CDC23: variants seen among roughly 807,000 people sequenced by gnomAD.
The protein encoded by CDC23 is cell division cycle 23, also known as cell division cycle protein 23 homolog.
CDC23 carries 26 observed loss-of-function variants against 81.7 expected under a neutral mutation model. The ratio of observed to expected loss-of-function variants is 0.32; its 90% CI spans 0.23 to 0.44. CDC23 has a LOEUF of 0.44. CDC23 is among the 20% of genes least tolerant of loss of function. The probability of loss-of-function intolerance (pLI) is 1.00; values close to 1 mark genes in which losing one functional copy is unlikely to be tolerated. For missense variants in CDC23, 519 were observed against 728.0 expected (o/e 0.71, Z 3.30); for synonymous variants, 267 against 270.8 (o/e 0.99, Z 0.14).
At position 138,189,051 on chromosome 5, in the gene CDC23, G is replaced by T; in HGVS notation, c.1721C>A (p.Pro574His). ...TTEVPAPFFL[P>H]ASLSANNTPT... ...GGTATTGTTAGCAGAGAGTGAAGCA[G>T]GTAGGAAAAAGGGAGCAGGCACCTC... Residue 574 changes from proline to histidine, a missense_variant, in exon 16 of 16, where the codon CCT becomes CAT. Around this residue, in one of 4 missense-constraint regions of CDC23, gnomAD observed 38 missense variants for 34.7 expected, o/e 1.10. Coordinates refer to ENST00000394886, the MANE Select transcript of CDC23 (RefSeq NM_004661.4). The T allele has an allele frequency of 6.2e-7, 1 of 1,614,124 alleles. No homozygotes were observed. The highest frequency in any genetic ancestry group is 8.5e-7 in the Non-Finnish European group (1 of 1,180,004).
chr5:138,190,871 C>CAA (rs35904455), intron 13 of CDC23, among the ~76,000 whole-genome samples: 5 of 142,732 alleles, frequency 3.5e-5, no homozygotes, highest in Admixed American at 1.4e-4. Flanking sequence ...CTATAAATTA[C>CAA]AAAAAAAAAA....
chr5:138,191,679 T>C (rs1391558281), intron 12 of CDC23, 144 bp from the exon 13 acceptor site: 1 of 945,176 alleles, frequency 1.1e-6, no homozygotes, highest in Non-Finnish European at 1.7e-6. Context: ...AGGTCTAGGC[T>C]ACACACTGAC....
Position 138,192,197 on chromosome 5 carries a change from A to G in CDC23, c.1286+72T>C, listed in dbSNP as rs1390371597. ...AAACCATCCACTGTGATTTGTCAAT[A>G]GCTATCAAAAGAGGAAAAAAAAGTT... On this transcript the variant is annotated intron_variant, in intron 11 of 15. Coordinates refer to ENST00000394886, the MANE Select transcript of CDC23 (RefSeq NM_004661.4). The G allele has an allele frequency of 1.9e-6, 3 of 1,575,072 alleles. No homozygotes were observed. In the African/African-American group the frequency reaches 4.1e-5, roughly 21 times the overall value.
At chr5:138,196,135 T>C (rs1005761599) in intron 9 of CDC23, among the ~76,000 whole-genome samples, 1 of 151,932 alleles carries the variant, frequency 6.6e-6, no homozygotes, top group Non-Finnish European at 1.5e-5. Context: ...GTAGGTGGGC[T>C]GAATTCAACA....
intron 1 of CDC23, 36 bp downstream of exon 1, chr5:138,213,116 A>C: frequency 1.2e-6 from 2 of 1,614,014 alleles, no homozygotes; most frequent in Non-Finnish European, 1.7e-6. Context: ...AAGGCCAAGG[A>C]TCCAAGCCCC....
intron 3 of CDC23, among the ~76,000 whole-genome samples, chr5:138,205,019 ATCC>A (rs1400928387): frequency 1.3e-5 from 2 of 151,180 alleles, no homozygotes; most frequent in African/African-American, 4.9e-5. Context: ...GGCTCAAGCG[ATCC>A]TCCTATCTCA....
chr5:138,201,072 G>A, intron 6 of CDC23, 35 bp downstream of exon 6: 1 of 1,607,766 alleles, frequency 6.2e-7, no homozygotes, highest in Non-Finnish European at 8.5e-7. Context: ...AAGGCTTGAA[G>A]CAGAGGGTTT....
chr5:138,191,732 G>A lies in CDC23; in HGVS notation c.1362+130C>T, dbSNP rs1382976790. Reference sequence around the variant, plus strand: ...TGGCCCAGCTTTGCTTTCAGACTATGTATCTATAAATATTCAGACTTTCCT... The same window carrying A: ...TGGCCCAGCTTTGCTTTCAGACTATATATCTATAAATATTCAGACTTTCCT... On this transcript the variant is annotated intron_variant, in intron 12 of 15. Coordinates refer to ENST00000394886, the MANE Select transcript of CDC23 (RefSeq NM_004661.4). 12 of 944,744 alleles carry A rather than the reference G, an allele frequency of 1.3e-5. 1 individual carries two copies. Among genetic ancestry groups the A allele is most frequent in the East Asian group, 2.4e-5 (1 of 41,792 alleles). 58.5% of individuals were successfully genotyped at this position (944,744 alleles called of 1,614,324 possible). A position where few individuals can be genotyped will look rare whatever the true frequency, so the allele number is the denominator to read the frequency against.
At chr5:138,200,957 T>A (rs569096354) in intron 6 of CDC23, 150 bp downstream of exon 6, 3 of 741,626 alleles carry the variant, frequency 4.0e-6, no homozygotes, top group Non-Finnish European at 6.6e-6. Context: ...AAACAAAGAC[T>A]TACTTCCAAA....
chr5:138,195,689 TAA>T (rs1491201666), intron 9 of CDC23, among the ~76,000 whole-genome samples: 3 of 113,420 alleles, frequency 2.6e-5, no homozygotes, highest in African/African-American at 7.2e-5. Flanking sequence ...TATATACATA[TAA>T]TATATATGCA....
At chr5:138,199,809 C>CAAT (rs17228449) in intron 6 of CDC23, among the ~76,000 whole-genome samples, 2,452 of 152,224 alleles carry the variant, frequency 0.016, 41 homozygotes, top group African/African-American at 0.046. Flanking sequence ...AACAAACCTT[C>CAAT]AATGAAAGTC....
chr5:138,203,548 G>A (rs902573960), intron 3 of CDC23, among the ~76,000 whole-genome samples: 9 of 152,136 alleles, frequency 5.9e-5, no homozygotes. Context: ...AGATTAAAGA[G>A]ACATGACAAC....
Position 138,201,403 on chromosome 5 carries a change from A to G in CDC23, c.461T>C (p.Leu154Ser), listed in dbSNP as rs1754987928. 6.2e-7 allele frequency: 1 copy of G among 1,613,994 alleles called. No homozygotes were observed. The highest frequency in any genetic ancestry group is 1.3e-5 in the African/African-American group (1 of 74,916). Residue 154 changes from leucine to serine, a missense_variant, in exon 5 of 16, where the codon TTG becomes TCG. Leu to Ser is a moderately radical substitution (Grantham distance 145). Around this residue, in one of 4 missense-constraint regions of CDC23, gnomAD observed 180 missense variants for 239.3 expected, o/e 0.75. Coordinates refer to ENST00000394886, the MANE Select transcript of CDC23 (RefSeq NM_004661.4). ...GTGTTTTTTGCTGAGCTCCACTCTC[A>G]ATTCTCTAAGCGCCTCATTTTTCAC... ...GQVKNEALRELRVELSKKHQA... is the reference protein window; with the variant it reads ...GQVKNEALRESRVELSKKHQA...
At chr5:138,195,700 CATATATACATATAATATATATGT>C (rs1561634080) in intron 9 of CDC23, among the ~76,000 whole-genome samples, 107 of 94,738 alleles carry the variant, frequency 1.1e-3, no homozygotes, top group African/African-American at 4.3e-3. Flanking sequence ...AATATATATG[CATATATACATATAATATATATGT>C]ATATATATAC....
At chr5:138,191,983 T>G (rs751479693) in intron 11 of CDC23, 46 bp from the exon 12 acceptor site, 2 of 1,536,502 alleles carry the variant, frequency 1.3e-6, no homozygotes, top group Admixed American at 1.7e-5. Context: ...TTACAGAAAC[T>G]GAAGTTCTCT....
At chr5:138,212,948 C>A (rs772116278) in intron 2 of CDC23, 43 bp downstream of exon 2, 1 of 1,569,178 alleles carries the variant, frequency 6.4e-7, no homozygotes, top group South Asian at 1.1e-5. Context: ...TTGAGGCACA[C>A]CCCTGGGTTG....
Position 138,192,579 on chromosome 5 carries a change from T to C in CDC23, c.1091A>G (p.Tyr364Cys). The change falls in exon 10 of 16, where the codon TAT (tyrosine) becomes TGT (cysteine). Residue 364 changes from tyrosine to cysteine, a missense_variant. Around this residue, in one of 4 missense-constraint regions of CDC23, gnomAD observed 175 missense variants for 337.8 expected, o/e 0.52. Coordinates refer to ENST00000394886, the MANE Select transcript of CDC23 (RefSeq NM_004661.4). ...TCCCATTAGTGTCCAGGCACCAAGA[T>C]ACCGAGGATTTAATTTCAGGGCTCT... Reference protein sequence around the residue: ...FQRALKLNPRYLGAWTLMGHE... With the variant: ...FQRALKLNPRCLGAWTLMGHE... The C allele has an allele frequency of 6.2e-7, 1 of 1,614,166 alleles. No homozygotes were observed. The highest frequency in any genetic ancestry group is 8.5e-7 in the Non-Finnish European group (1 of 1,180,004).
At position 138,204,629 on chromosome 5, in the gene CDC23, C is replaced by CTTTTTCT. The variant is rs763476260; in HGVS notation, c.372+1917_372+1918insAGAAAAA. Among the ~76,000 whole-genome samples, 484 of 148,432 alleles carry CTTTTTCT rather than the reference C, an allele frequency of 3.3e-3. 11 individuals carry two copies. The highest frequency in any genetic ancestry group is 0.014 in the Middle Eastern group (4 of 288). Reference sequence around the variant, plus strand: ...AGTAAACATTCAGACTCTCTTTTTTCTTTTTTTGGAGACGGAGTCTCACTC... The same window carrying CTTTTTCT: ...AGTAAACATTCAGACTCTCTTTTTTCTTTTTCTTTTTTTTGGAGACGGAGTCTCACTC... On this transcript the variant is annotated intron_variant, in intron 3 of 15. Transcript: ENST00000394886.
chr5:138,206,920 C>T lies in CDC23; in HGVS notation c.235-236G>A, dbSNP rs185212018. ...TTTGAGACAGAGCCTCACTCTGTCA[C>T]CCAGGCTGGAGTGCAGTGGCGCAAT... On this transcript the variant is annotated intron_variant, in intron 2 of 15. Transcript: ENST00000394886. 5.3e-3 allele frequency among the ~76,000 whole-genome samples: 775 copies of T among 145,816 alleles called. 6 individuals are homozygous for T. The highest frequency in any genetic ancestry group is 0.019 in the African/African-American group (736 of 39,322).
Sources: allele counts gnomAD v4.1 joint callset (sites outside exome capture counted in the v4.1 genomes callset), GRCh38; gene constraint gnomAD v4.1.1; regional missense constraint gnomAD v4.1.1; transcripts MANE v1.5; gene names NCBI Gene and HGNC (gene_info 2026-07-23, HGNC 2026-07-21).